The following FOXK2 variants were observed in gnomAD, a reference collection of about 807,000 sequenced individuals.
The protein encoded by FOXK2 is forkhead box K2.
In FOXK2, 24 loss-of-function variants were observed where a neutral mutation model predicts 53.3. That is an observed-to-expected ratio of 0.45 (90% CI 0.33 to 0.63). FOXK2 has a LOEUF of 0.63. Ranked by LOEUF, FOXK2 falls within the 30% of genes least tolerant of loss-of-function variation. FOXK2 has a pLI of 0.03. For synonymous variants in FOXK2, 505 were observed against 407.1 expected (o/e 1.24, Z -2.89); for missense variants, 952 against 910.5 (o/e 1.05, Z -0.59).
intron 1 of FOXK2, among the ~76,000 whole-genome samples, chr17:82,524,771 T>A (rs1599875484): frequency 6.6e-6 from 1 of 152,144 alleles, no homozygotes; most frequent in Non-Finnish European, 1.5e-5. Flanking sequence ...TGGGGGTGTC[T>A]GGGCCCCACC....
At position 82,532,205 on chromosome 17, in the gene FOXK2, C is replaced by T. The variant is rs147698599; in HGVS notation, c.419+11898C>T. Among the ~76,000 whole-genome samples the T allele has an allele frequency of 5.2e-3, 791 of 151,802 alleles. 4 individuals carry two copies. Among genetic ancestry groups the T allele is most frequent in the African/African-American group, 0.018 (755 of 41,352 alleles). Reference sequence around the variant, plus strand: ...TGTTGCCTAGGCTGCAGTGCAATGGCGCGTTCTCGGCTCACTGCAGCCTCC... The same window carrying T: ...TGTTGCCTAGGCTGCAGTGCAATGGTGCGTTCTCGGCTCACTGCAGCCTCC... On this transcript the variant is annotated intron_variant, in intron 1 of 8. Transcript: ENST00000335255.
chr17:82,582,935 GTA>G lies in FOXK2; in HGVS notation c.1103+2_1103+3del, dbSNP rs1567982696. The G allele has an allele frequency of 6.5e-7, 1 of 1,546,342 alleles. No individual in the cohort carries two copies. Among genetic ancestry groups the G allele is most frequent in the East Asian group, 2.3e-5 (1 of 42,854 alleles). On this transcript the variant is annotated splice_donor_variant and splice_donor_region_variant and intron_variant, in intron 5 of 8. Transcript: ENST00000335255. LOFTEE classifies it high-confidence loss of function. Reference sequence around the variant, plus strand: ...CCCCTCTGGGACCGCTCTCTTCTAGGTAAGGAAAAAGAAGAACAAAAGGCCTC... The same window carrying G: ...CCCCTCTGGGACCGCTCTCTTCTAGGAGGAAAAAGAAGAACAAAAGGCCTC...
At chr17:82,566,616 T>G (rs1477277567) in intron 2 of FOXK2, among the ~76,000 whole-genome samples, 1 of 152,164 alleles carries the variant, frequency 6.6e-6, no homozygotes, top group Non-Finnish European at 1.5e-5. Flanking sequence ...GCAGCAGCCT[T>G]GAAGACCCCA....
At chr17:82,543,774 CTTTTT>C (rs59720257) in intron 1 of FOXK2, among the ~76,000 whole-genome samples, 3 of 112,318 alleles carry the variant, frequency 2.7e-5, no homozygotes, top group African/African-American at 1.1e-4. Context: ...GCATGCTTAG[CTTTTT>C]TTTTTTTTTT....
At chr17:82,527,457 C>T (rs780686050) in intron 1 of FOXK2, among the ~76,000 whole-genome samples, 5 of 151,924 alleles carry the variant, frequency 3.3e-5, no homozygotes, top group African/African-American at 7.3e-5. Flanking sequence ...GGCGAAACTC[C>T]GACTCTACTA....
In FOXK2 at chr17:82,552,996, C is replaced by G. The variant is rs143252378; in HGVS notation, c.420-10358C>G. ...TGTTGCCGAGGCTGCAGTGCAGTGA[C>G]ATGATCTCGGCTCATTGCAACCTCT... On this transcript the variant is annotated intron_variant, in intron 1 of 8. Coordinates refer to ENST00000335255, the MANE Select transcript of FOXK2 (RefSeq NM_004514.4). 1.3e-3 allele frequency among the ~76,000 whole-genome samples: 200 copies of G among 152,344 alleles called. 1 individual carries two copies. The East Asian group carries it at 0.03, about 23-fold the overall frequency.
intron 4 of FOXK2, chr17:82,576,972 C>T (rs897668966): frequency 5.2e-6 from 2 of 388,278 alleles, no homozygotes; most frequent in Non-Finnish European, 9.4e-6. Flanking sequence ...ACCAGATGAC[C>T]AACACGGAGA....
At chr17:82,530,730 A>T (rs2144050889) in intron 1 of FOXK2, among the ~76,000 whole-genome samples, 1 of 152,194 alleles carries the variant, frequency 6.6e-6, no homozygotes, top group Admixed American at 6.5e-5. Context: ...GGCTGGTCTC[A>T]AACTCCTGAC....
rs1013247350 is a variant in FOXK2 at position 82,585,946 on chromosome 17, G to A, written c.1322G>A (p.Arg441Gln). The change falls in exon 7 of 9, where the codon CGG becomes CAG. Residue 441 changes from arginine (R) to glutamine (Q), a missense_variant. Physicochemically the swap from Arg to Gln is conservative, Grantham distance 43 (BLOSUM62 1). Transcript: ENST00000335255. ...SSQPVLITVQ[R>Q]QLPQAIKPVT... ...CAGCCAGTCTTAATCACCGTCCAGC[G>A]GCAGCTACCACAGGCCATCAAGCCT... is the stretch of plus-strand genomic sequence containing the variant. 1.8e-5 allele frequency: 29 copies of A among 1,612,526 alleles called. No homozygotes were observed. The highest frequency in any genetic ancestry group is 3.3e-4 in the Middle Eastern group (2 of 6,082).
intron 8 of FOXK2, among the ~76,000 whole-genome samples, chr17:82,597,099 G>A (rs930299130): frequency 1.3e-5 from 2 of 152,172 alleles, no homozygotes; most frequent in South Asian, 4.1e-4. Context: ...GCTAAGCCGT[G>A]ACTCCCTGTA....
chr17:82,584,264 A>G, intron 6 of FOXK2, 76 bp downstream of exon 6: 1 of 1,433,952 alleles, frequency 7.0e-7, no homozygotes, highest in Non-Finnish European at 9.2e-7. Context: ...ACAGAGAAGA[A>G]ACAGCCGGAC....
At chr17:82,530,268 A>G in intron 1 of FOXK2, among the ~76,000 whole-genome samples, 1 of 152,032 alleles carries the variant, frequency 6.6e-6, no homozygotes, top group Non-Finnish European at 1.5e-5. Flanking sequence ...AGGCAGGCGG[A>G]TCTCCTGAGA....
In FOXK2 at chr17:82,520,122, C is replaced by T. The variant is rs756119980; in HGVS notation, c.234C>T (p.Arg78=). The change falls in exon 1 of 9, where the codon CGC becomes CGT. Residue 78 remains arginine (R), a synonymous_variant. Coordinates refer to ENST00000335255, the MANE Select transcript of FOXK2 (RefSeq NM_004514.4). ...SMGHSSFISR[R]HLEIFTPPGG... is the part of the protein sequence containing the mutation. ...GCCACTCGAGCTTCATCTCCCGGCG[C>T]CACCTCGAGATCTTCACGCCCCCGG... 21 of 1,519,208 alleles carry T rather than the reference C, an allele frequency of 1.4e-5. 1 individual carries two copies. The highest frequency in any genetic ancestry group is 9.6e-5 in the South Asian group (8 of 83,238). 94.1% of individuals were successfully genotyped at this position (1,519,208 alleles called of 1,614,324 possible). A position where few individuals can be genotyped will look rare whatever the true frequency, so the allele number is the denominator to read the frequency against.
intron 1 of FOXK2, among the ~76,000 whole-genome samples, chr17:82,539,036 G>A (rs1230520257): frequency 6.6e-6 from 1 of 152,252 alleles, no homozygotes; most frequent in East Asian, 1.9e-4. Flanking sequence ...GGTAGAAAAT[G>A]TGGTATGAGA....
chr17:82,557,733 C>CATA (rs1478517856), intron 1 of FOXK2, among the ~76,000 whole-genome samples: 1 of 152,186 alleles, frequency 6.6e-6, no homozygotes, highest in African/African-American at 2.4e-5. Flanking sequence ...ACTGCAGCCT[C>CATA]AAACTCCCAG....
rs777756899 is a variant in FOXK2, at chr17:82,587,256, C to T, written c.1770C>T (p.His590=). ...TGGCATCAGTCCCCACTGCGGTCCA[C>T]GGCCAGGTGAACAATGGTAAGACAT... ...THVASVPTAV[H]GQVNNAAASP... Residue 590 remains histidine (H), a synonymous_variant, in exon 8 of 9, where the codon CAC becomes CAT. Transcript: ENST00000335255. The T allele has an allele frequency of 6.8e-5, 110 of 1,612,634 alleles. No homozygotes were observed. The highest frequency in any genetic ancestry group is 5.8e-4 in the Admixed American group (35 of 59,996).
At chr17:82,597,097 G>A (rs1207575691) in intron 8 of FOXK2, among the ~76,000 whole-genome samples, 1 of 152,162 alleles carries the variant, frequency 6.6e-6, no homozygotes, top group Non-Finnish European at 1.5e-5. Context: ...GCGCTAAGCC[G>A]TGACTCCCTG....
chr17:82,534,467 C>T (rs2044501851), intron 1 of FOXK2, among the ~76,000 whole-genome samples: 1 of 152,194 alleles, frequency 6.6e-6, no homozygotes, highest in Admixed American at 6.5e-5. Context: ...CCGGGTGCTG[C>T]TCTTCTGCTT....
At chr17:82,577,488 C>T (rs1439890353) in intron 4 of FOXK2, 5 of 322,272 alleles carry the variant, frequency 1.6e-5, no homozygotes, top group East Asian at 6.8e-5. Context: ...GCCAAAGCTG[C>T]GGCGTGCTCA....
Sources: allele counts gnomAD v4.1 joint callset (sites outside exome capture counted in the v4.1 genomes callset), GRCh38; gene constraint gnomAD v4.1.1; transcripts MANE v1.5; gene names NCBI Gene and HGNC (gene_info 2026-07-23, HGNC 2026-07-21).